The following RALYL variants were observed in gnomAD, a reference collection of about 807,000 sequenced individuals.
RALYL encodes RNA-binding Raly-like protein.
Under a neutral mutation model 35.1 loss-of-function variants are expected in RALYL, and 29 were observed. The observed-to-expected ratio is 0.83, with a 90% CI of 0.61 to 1.13. The LOEUF (loss-of-function observed/expected upper bound fraction) is 1.13, where lower values mean the gene tolerates loss of function less well. Ranked by LOEUF, RALYL falls within the 50% of genes most tolerant of loss-of-function variation. The pLI, the probability that RALYL is intolerant of heterozygous loss-of-function variation, is 0.00. For missense variants in RALYL, 359 were observed against 360.4 expected, an observed-to-expected ratio of 1.00 and a Z score of 0.03; for synonymous variants, 120 against 127.6, an observed-to-expected ratio of 0.94 and a Z score of 0.40.
intron 2 of RALYL, among the ~76,000 whole-genome samples, chr8:84,745,424 G>A (rs1365818448): frequency 6.6e-6 from 1 of 151,850 alleles, no homozygotes; most frequent in Non-Finnish European, 1.5e-5. Context: ...TAAGCCCTAG[G>A]GTTTCTATTG....
At chr8:84,853,576 A>G (rs955584864) in intron 5 of RALYL, among the ~76,000 whole-genome samples, 4 of 152,246 alleles carry the variant, frequency 2.6e-5, no homozygotes, top group Non-Finnish European at 5.9e-5. Context: ...TTGGCATGGA[A>G]GTATGAAATA....
intron 1 of RALYL, among the ~76,000 whole-genome samples, chr8:84,350,389 T>C (rs1477470298): frequency 6.6e-6 from 1 of 150,620 alleles, no homozygotes; most frequent in African/African-American, 2.5e-5. Flanking sequence ...TTTTGTAAAA[T>C]GAAGAATTTT....
chr8:84,316,227 A>T (rs1843729446), intron 1 of RALYL, among the ~76,000 whole-genome samples: 1 of 152,112 alleles, frequency 6.6e-6, no homozygotes, highest in African/African-American at 2.4e-5. Context: ...AGTCAGCCTA[A>T]ATCCCTCATT....
chr8:84,594,990 A>C (rs1374376506), intron 2 of RALYL, among the ~76,000 whole-genome samples: 1 of 152,090 alleles, frequency 6.6e-6, no homozygotes, highest in Non-Finnish European at 1.5e-5. Flanking sequence ...TGGATGTTAG[A>C]GCAAACTAAG....
At chr8:84,324,588 G>GTTTT (rs1321218043) in intron 1 of RALYL, among the ~76,000 whole-genome samples, 1 of 149,264 alleles carries the variant, frequency 6.7e-6, no homozygotes, top group African/African-American at 2.5e-5. Flanking sequence ...TCAGTAAATA[G>GTTTT]TTGTGTTTTT....
chr8:84,585,613 T>C (rs991973502), intron 2 of RALYL, among the ~76,000 whole-genome samples: 5 of 152,196 alleles, frequency 3.3e-5, no homozygotes, highest in African/African-American at 1.2e-4. Context: ...TTACATTTCA[T>C]TTAAATATAC....
At chr8:84,682,029 A>C (rs1344124995) in intron 2 of RALYL, among the ~76,000 whole-genome samples, 1 of 152,090 alleles carries the variant, frequency 6.6e-6, no homozygotes, top group East Asian at 1.9e-4. Flanking sequence ...TACCTAATTT[A>C]TTGAGAGTTT....
intron 2 of RALYL, among the ~76,000 whole-genome samples, chr8:84,767,713 G>A (rs547393702): frequency 8.5e-5 from 13 of 152,084 alleles, no homozygotes; most frequent in Non-Finnish European, 1.6e-4. Flanking sequence ...GCTTCTCCAC[G>A]CAGATGTGAT....
intron 1 of RALYL, among the ~76,000 whole-genome samples, chr8:84,303,510 C>T (rs556205555): frequency 5.2e-4 from 79 of 152,230 alleles, no homozygotes; most frequent in Admixed American, 1.6e-3. Context: ...TTGACTTATA[C>T]TTGTTCTGCT....
chr8:84,700,719 G>T (rs184994943), intron 2 of RALYL, among the ~76,000 whole-genome samples: 1 of 152,260 alleles, frequency 6.6e-6, no homozygotes, highest in Non-Finnish European at 1.5e-5. Flanking sequence ...AAATATTTTA[G>T]TAACTATTTT....
At chr8:84,339,121 G>T (rs1464810851) in intron 1 of RALYL, among the ~76,000 whole-genome samples, 2 of 152,032 alleles carry the variant, frequency 1.3e-5, no homozygotes, top group African/African-American at 4.8e-5. Flanking sequence ...AGAGGTTTGT[G>T]ATGTCCCATT....
At chr8:84,646,081 G>C (rs562435331) in intron 2 of RALYL, among the ~76,000 whole-genome samples, 1 of 151,648 alleles carries the variant, frequency 6.6e-6, no homozygotes, top group African/African-American at 2.4e-5. Flanking sequence ...TCATGGTTTT[G>C]GTTTTCTTAG....
intron 8 of RALYL, among the ~76,000 whole-genome samples, chr8:84,896,157 C>T (rs1053388999): frequency 1.6e-4 from 25 of 152,186 alleles, no homozygotes; most frequent in African/African-American, 6.0e-4. Context: ...CTCTCTCACA[C>T]TCAGAGGTGC....
intron 1 of RALYL, among the ~76,000 whole-genome samples, chr8:84,282,700 G>T (rs183048180): frequency 9.5e-6 from 1 of 104,798 alleles, no homozygotes; most frequent in Non-Finnish European, 2.0e-5. Flanking sequence ...ATTAAAACGT[G>T]TGTACATATA....
intron 1 of RALYL, among the ~76,000 whole-genome samples, chr8:84,312,955 A>T (rs745777411): frequency 6.6e-6 from 1 of 152,216 alleles, no homozygotes; most frequent in Non-Finnish European, 1.5e-5. Context: ...GAGTTTCAAC[A>T]TGAGGGCTCT....
intron 1 of RALYL, among the ~76,000 whole-genome samples, chr8:84,499,091 CTTT>C (rs11338367): frequency 2.8e-5 from 4 of 143,700 alleles, no homozygotes; most frequent in African/African-American, 7.6e-5. Flanking sequence ...CATCTGTTTT[CTTT>C]TTTTTTTTTT....
intron 1 of RALYL, among the ~76,000 whole-genome samples, chr8:84,209,125 C>CAAAAAAAAAAAAAAAA (rs60246316): frequency 1.0e-5 from 1 of 97,500 alleles, no homozygotes; most frequent in Non-Finnish European, 2.0e-5. Flanking sequence ...ACTCCTCCAC[C>CAAAAAAAAAAAAAAAA]AAAAAAAAAA....
intron 4 of RALYL, among the ~76,000 whole-genome samples, chr8:84,843,584 C>A (rs927939074): frequency 6.6e-6 from 1 of 152,152 alleles, no homozygotes; most frequent in Non-Finnish European, 1.5e-5. Flanking sequence ...ATCAAGCTAC[C>A]AATGACTTTC....
chr8:84,544,690 T>C (rs1393863872), intron 2 of RALYL, among the ~76,000 whole-genome samples: 1 of 152,080 alleles, frequency 6.6e-6, no homozygotes, highest in Non-Finnish European at 1.5e-5. Context: ...TGGGATCAAA[T>C]AGTAAGAACA....
Sources: allele counts gnomAD v4.1 joint callset (sites outside exome capture counted in the v4.1 genomes callset), GRCh38; gene constraint gnomAD v4.1.1; transcripts MANE v1.5; gene names NCBI Gene and HGNC (gene_info 2026-07-23, HGNC 2026-07-21).